The following TENM3 variants were observed in gnomAD, a reference collection of about 807,000 sequenced individuals.
The protein encoded by TENM3 is teneurin-3.
Under a neutral mutation model 255.1 loss-of-function variants are expected in TENM3, and 63 were observed. The ratio of observed to expected loss-of-function variants is 0.25; its 90% CI spans 0.20 to 0.30. The LOEUF is 0.30. Ranked by LOEUF, TENM3 falls within the 10% of genes least tolerant of loss-of-function variation. The pLI is 1.00. For missense variants in TENM3, 2,929 were observed against 3,461.1 expected, an observed-to-expected ratio of 0.85 and a Z score of 3.86; for synonymous variants, 1,306 against 1,322.3, an observed-to-expected ratio of 0.99 and a Z score of 0.27.
the TENM3 span, among the ~76,000 whole-genome samples, chr4:181,960,378 T>C: frequency 1.3e-5 from 2 of 152,162 alleles, no homozygotes; most frequent in Non-Finnish European, 2.9e-5. Context: ...AACTAAAGGA[T>C]AAGGAGCGAC....
chr4:181,914,415 G>T, the TENM3 span, among the ~76,000 whole-genome samples: 1 of 152,102 alleles, frequency 6.6e-6, no homozygotes, highest in South Asian at 2.1e-4. Context: ...TGCTTCCATA[G>T]AACTTTTCAG....
At chr4:181,906,275 G>A in the TENM3 span, 1 of 168,988 alleles carries the variant, frequency 5.9e-6, no homozygotes, top group African/African-American at 2.4e-5. Flanking sequence ...GTCTATAGGG[G>A]TTGTGGACAG....
intron 7 of TENM3, among the ~76,000 whole-genome samples, chr4:182,674,896 G>C (rs954660928): frequency 2.0e-5 from 3 of 149,760 alleles, no homozygotes; most frequent in Admixed American, 2.0e-4. Flanking sequence ...TATTGTTTGA[G>C]ATGGAGTTTT....
At chr4:181,497,895 A>G in the TENM3 span, among the ~76,000 whole-genome samples, 1 of 152,216 alleles carries the variant, frequency 6.6e-6, no homozygotes, top group Non-Finnish European at 1.5e-5. Context: ...TGAGCTGGAA[A>G]CACAACATCA....
At chr4:181,883,770 A>G in the TENM3 span, among the ~76,000 whole-genome samples, 1 of 152,136 alleles carries the variant, frequency 6.6e-6, no homozygotes, top group Non-Finnish European at 1.5e-5. Flanking sequence ...AGCCACCGCA[A>G]TATACAATTT....
chr4:182,777,664 T>G (rs943363752), intron 24 of TENM3, among the ~76,000 whole-genome samples: 1 of 140,754 alleles, frequency 7.1e-6, no homozygotes, highest in African/African-American at 2.6e-5. Flanking sequence ...TTCAATCAAC[T>G]CTCATACCTC....
chr4:182,735,910 G>T (rs1455461559), intron 16 of TENM3, among the ~76,000 whole-genome samples: 1 of 151,972 alleles, frequency 6.6e-6, no homozygotes, highest in Non-Finnish European at 1.5e-5. Flanking sequence ...TAATCTATGG[G>T]GTTAAGAGTA....
chr4:181,487,685 T>A, the TENM3 span, among the ~76,000 whole-genome samples: 1 of 152,014 alleles, frequency 6.6e-6, no homozygotes, highest in Non-Finnish European at 1.5e-5. Context: ...AACATTCAGA[T>A]CATAGCAATA....
At chr4:181,583,218 C>T in the TENM3 span, among the ~76,000 whole-genome samples, 16 of 151,548 alleles carry the variant, frequency 1.1e-4, no homozygotes, top group Admixed American at 2.0e-4. Context: ...CTTCTAATAT[C>T]CATATACTTT....
chr4:181,719,818 G>A, the TENM3 span, among the ~76,000 whole-genome samples: 3 of 152,172 alleles, frequency 2.0e-5, no homozygotes, highest in Non-Finnish European at 4.4e-5. Flanking sequence ...CTTGATGCTC[G>A]TTAAAATGAA....
At chr4:181,897,517 C>A in the TENM3 span, among the ~76,000 whole-genome samples, 7 of 152,134 alleles carry the variant, frequency 4.6e-5, no homozygotes, top group Non-Finnish European at 7.4e-5. Context: ...ACTTGGCATT[C>A]TTATGATACT....
intron 3 of TENM3, among the ~76,000 whole-genome samples, chr4:182,586,916 T>C (rs544087582): frequency 6.6e-6 from 1 of 152,324 alleles, no homozygotes; most frequent in Admixed American, 6.5e-5. Context: ...AGTAGCGTCA[T>C]TGGGAACTTT....
At chr4:181,612,338 G>T in the TENM3 span, among the ~76,000 whole-genome samples, 41 of 152,290 alleles carry the variant, frequency 2.7e-4, no homozygotes, top group Admixed American at 1.7e-3. Context: ...GACCATAGAG[G>T]TGTATTTTAT....
At chr4:181,627,545 C>T in the TENM3 span, among the ~76,000 whole-genome samples, 1 of 152,064 alleles carries the variant, frequency 6.6e-6, no homozygotes, top group Admixed American at 6.5e-5. Flanking sequence ...TCCAGTTGTT[C>T]TCATTATTCA....
intron 5 of TENM3, among the ~76,000 whole-genome samples, chr4:182,635,619 TC>T (rs986895940): frequency 3.6e-4 from 55 of 152,350 alleles, no homozygotes; most frequent in African/African-American, 1.3e-3. Context: ...TTTTTACTAT[TC>T]CTTTCATTTA....
chr4:181,988,749 G>A, the TENM3 span, among the ~76,000 whole-genome samples: 3 of 151,764 alleles, frequency 2.0e-5, no homozygotes, highest in Non-Finnish European at 4.4e-5. Context: ...TTATTTTCAT[G>A]GGTATGATTA....
At chr4:181,478,392 T>C in the TENM3 span, among the ~76,000 whole-genome samples, 52,652 of 151,980 alleles carry the variant, frequency 0.35, 10,948 homozygotes, top group Non-Finnish European at 0.44. Context: ...TTTGGTAATG[T>C]TGCTGCTACT....
chr4:182,778,477 C>A (rs1579467527), intron 24 of TENM3, among the ~76,000 whole-genome samples: 1 of 152,142 alleles, frequency 6.6e-6, no homozygotes, highest in South Asian at 2.1e-4. Context: ...CACAAAACAA[C>A]CTGTAGCAAG....
chr4:182,595,715 G>A (rs886703786), intron 3 of TENM3, among the ~76,000 whole-genome samples: 5 of 151,938 alleles, frequency 3.3e-5, no homozygotes, highest in Non-Finnish European at 7.4e-5. Flanking sequence ...CCATGGTACC[G>A]AGAATTTAAT....
Sources: allele counts gnomAD v4.1 joint callset (sites outside exome capture counted in the v4.1 genomes callset), GRCh38; gene constraint gnomAD v4.1.1; transcripts MANE v1.5; gene names NCBI Gene and HGNC (gene_info 2026-07-23, HGNC 2026-07-21).